The following RNF213 variants were observed in gnomAD, a reference collection of about 807,000 sequenced individuals.
The protein encoded by RNF213 is E3 ubiquitin-protein ligase RNF213.
In RNF213, 341 loss-of-function variants were observed where a neutral mutation model predicts 514.4. The ratio of observed to expected loss-of-function variants is 0.66; its 90% CI spans 0.61 to 0.73. The LOEUF (loss-of-function observed/expected upper bound fraction) is 0.73. Among genes scored for constraint, RNF213 ranks in the 30% least tolerant of loss-of-function variants. The pLI, the probability that RNF213 is intolerant of heterozygous loss-of-function variation, is 0.00. For missense variants in RNF213, 5,767 were observed against 6,615.6 expected, an observed-to-expected ratio of 0.87 and a Z score of 4.45; for synonymous variants, 2,655 against 2,658.2, an observed-to-expected ratio of 1.00 and a Z score of 0.04.
At chr17:80,276,894 T>G (rs776883617) in intron 3 of RNF213, among the ~76,000 whole-genome samples, 1 of 148,896 alleles carries the variant, frequency 6.7e-6, no homozygotes, top group Non-Finnish European at 1.5e-5. Flanking sequence ...CTACTAAAAA[T>G]ACAAAAAAAA....
At chr17:80,320,047 G>C in intron 17 of RNF213, 1 of 1,004,372 alleles carries the variant, frequency 1.0e-6, no homozygotes, top group Non-Finnish European at 1.2e-6. Flanking sequence ...TATGCCATAC[G>C]GTACATCTGT....
At chr17:80,287,686 A>C (rs2044522142) in intron 3 of RNF213, 129 bp from the exon 4 acceptor site, 1 of 879,174 alleles carries the variant, frequency 1.1e-6, no homozygotes. Context: ...TGCAGATTTA[A>C]CAGATGTTAG....
Position 80,358,404 on chromosome 17 carries a change from G to A in RNF213, c.10979G>A (p.Trp3660Ter). ...CTGACCAGGCCAGATACTCCGCCCT[G>A]GGCAAGAGATCTTTGGATGTTTATT... is the stretch of plus-strand genomic sequence containing the variant. Reference protein sequence around the residue: ...ELLTRPDTPPWARDLWMFIFS... With the variant: ...ELLTRPDTPP The change falls in exon 37 of 68, where the codon TGG becomes TAG. Residue 3660 changes from tryptophan to a stop codon, truncating the protein, a stop_gained. Transcript: ENST00000582970. LOFTEE classifies it high-confidence loss of function. 1 of 1,614,154 alleles carries A rather than the reference G, an allele frequency of 6.2e-7. No homozygotes were observed. The highest frequency in any genetic ancestry group is 1.3e-5 in the African/African-American group (1 of 75,044).
At chr17:80,351,979 C>G (rs2078538121) in intron 32 of RNF213, 176 bp downstream of exon 32, 1 of 487,094 alleles carries the variant, frequency 2.1e-6, no homozygotes. Context: ...CTCAGCCTCC[C>G]AAGTAGCTGG....
Position 80,288,165 on chromosome 17 carries a change from C to G in RNF213, c.612C>G (p.Asp204Glu). 4 of 1,611,710 alleles carry G rather than the reference C, an allele frequency of 2.5e-6. No homozygotes were observed. The highest frequency in any genetic ancestry group is 3.4e-6 in the Non-Finnish European group (4 of 1,178,726). ...TCCAGGACCACACGGAAGGGGAGGA[C>G]CAGGACGCTTCCATCCCCTCTGGGG... is the stretch of plus-strand genomic sequence containing the variant. ...PQFQDHTEGE[D>E]QDASIPSGGR... Residue 204 changes from aspartate to glutamate, a missense_variant, in exon 4 of 68, where the codon GAC becomes GAG. Coordinates refer to ENST00000582970, the MANE Select transcript of RNF213 (RefSeq NM_001256071.3). The surrounding 1 kb of genome is among the most constrained non-coding windows in gnomAD (Gnocchi z 4.9).
chr17:80,388,402 A>AT (rs2080325869), intron 63 of RNF213: 9 of 585,420 alleles, frequency 1.5e-5, no homozygotes. Context: ...TTGTCATGTA[A>AT]TTGGCTGTGA....
chr17:80,364,755 C>T, intron 42 of RNF213: 3 of 611,042 alleles, frequency 4.9e-6, no homozygotes, highest in South Asian at 3.7e-5. Context: ...CTGCTGATTG[C>T]TAAGTCAGAG....
chr17:80,323,838 G>GGT (rs2046209469), intron 17 of RNF213, among the ~76,000 whole-genome samples: 1 of 148,552 alleles, frequency 6.7e-6, no homozygotes, highest in African/African-American at 2.5e-5. Flanking sequence ...TTTTTTTGGG[G>GGT]GGGGGTGCTA....
chr17:80,387,596 G>A (rs2080289337), intron 63 of RNF213, among the ~76,000 whole-genome samples: 1 of 152,146 alleles, frequency 6.6e-6, no homozygotes, highest in Non-Finnish European at 1.5e-5. Context: ...CTCCTAACTG[G>A]TGCCCACCTC....
At chr17:80,291,371 T>C (rs930241344) in intron 7 of RNF213, among the ~76,000 whole-genome samples, 10 of 151,910 alleles carry the variant, frequency 6.6e-5, no homozygotes, top group Admixed American at 6.6e-4. Context: ...CAGCTTTGTT[T>C]ATCTGAGACA....
Position 80,263,430 on chromosome 17 carries a change from A to G in RNF213, c.-108-144A>G. 2.5e-6 allele frequency: 1 copy of G among 398,054 alleles called. No homozygotes were observed. Among genetic ancestry groups the G allele is most frequent in the East Asian group, 5.7e-5 (1 of 17,606 alleles). The allele number at this position is 398,054 out of a possible 1,614,324, so 24.7% of individuals were successfully genotyped here. On this transcript the variant is annotated intron_variant, in intron 1 of 67. Coordinates refer to ENST00000582970, the MANE Select transcript of RNF213 (RefSeq NM_001256071.3). This position sits in a 1 kb window ranked among gnomAD's most constrained non-coding sequence, Gnocchi z 4.9. ...AGCAGGGATGGTTCTAGGCTGGCTGAATGAGGGACCAGGGCAGAGACTGCA... is the reference window on the plus strand; with the variant it reads ...AGCAGGGATGGTTCTAGGCTGGCTGGATGAGGGACCAGGGCAGAGACTGCA...
chr17:80,376,424 A>T lies in RNF213; in HGVS notation c.13309A>T (p.Ser4437Cys). 6.2e-7 allele frequency: 1 copy of T among 1,614,230 alleles called. No individual in the cohort carries two copies. The highest frequency in any genetic ancestry group is 8.5e-7 in the Non-Finnish European group (1 of 1,180,050). Reference sequence around the variant, plus strand: ...ATTGTTGAGGGCGGGGCCTAGTGACAGCAACCTTGATGGAACGGTGACAGA... The same window carrying T: ...ATTGTTGAGGGCGGGGCCTAGTGACTGCAACCTTGATGGAACGGTGACAGA... Reference protein sequence around the residue: ...VPLLRAGPSDSNLDGTVTEMA... With the variant: ...VPLLRAGPSDCNLDGTVTEMA... Residue 4437 changes from serine to cysteine, a missense_variant, in exon 52 of 68, where the codon AGC becomes TGC. Physicochemically the swap from Ser to Cys is moderately radical, Grantham distance 112 (BLOSUM62 -1). This residue lies in a region of RNF213 where 1,245 missense variants were observed against 1,339.0 expected (regional missense o/e 0.93). Coordinates refer to ENST00000582970, the MANE Select transcript of RNF213 (RefSeq NM_001256071.3).
intron 63 of RNF213, among the ~76,000 whole-genome samples, chr17:80,387,949 A>G (rs991299224): frequency 6.5e-5 from 9 of 138,156 alleles, no homozygotes; most frequent in Non-Finnish European, 1.4e-4. Context: ...GTGAGAGCCC[A>G]TGGATTTTTT....
rs749226693 is a variant in RNF213 at position 80,294,846 on chromosome 17, T to C, written c.1598T>C (p.Met533Thr). Residue 533 changes from methionine (M) to threonine (T), a missense_variant, in exon 9 of 68, where the codon ATG becomes ACG. By Grantham distance (81) the Met-to-Thr change is moderately conservative. Around this residue, in one of 13 missense-constraint regions of RNF213, gnomAD observed 592 missense variants for 673.9 expected, o/e 0.88. Coordinates refer to ENST00000582970, the MANE Select transcript of RNF213 (RefSeq NM_001256071.3). ...VKGKQIAAALMLDSTFSILQT... is the reference protein window; with the variant it reads ...VKGKQIAAALTLDSTFSILQT... ...GGGAAGCAGATTGCCGCTGCGCTCA[T>C]GCTGGACAGCACCTTCAGCATCCTG... 1 of 1,614,218 alleles carries C rather than the reference T, an allele frequency of 6.2e-7. No homozygotes were observed. Among genetic ancestry groups the C allele is most frequent in the Admixed American group, 1.7e-5 (1 of 60,022 alleles).
chr17:80,297,417 T>C (rs1297405761), intron 10 of RNF213, among the ~76,000 whole-genome samples: 3 of 142,984 alleles, frequency 2.1e-5, no homozygotes, highest in Non-Finnish European at 4.5e-5. Flanking sequence ...GCCACTGCAC[T>C]CCAGCCTGGG....
chr17:80,294,058 G>A (rs538334903), intron 8 of RNF213, among the ~76,000 whole-genome samples: 1 of 152,324 alleles, frequency 6.6e-6, no homozygotes, highest in African/African-American at 2.4e-5. Context: ...ACTTCTGTTT[G>A]TAGGTCTTCA....
chr17:80,315,743 TGG>T (rs2045901677), intron 15 of RNF213: 12 of 61,118 alleles, frequency 2.0e-4, no homozygotes, highest in East Asian at 1.0e-3. Context: ...GTGATGGTGG[TGG>T]TGGTGGAGGT....
chr17:80,281,412 A>T, intron 3 of RNF213, among the ~76,000 whole-genome samples: 1 of 110,474 alleles, frequency 9.1e-6, no homozygotes, highest in Non-Finnish European at 1.9e-5. Flanking sequence ...CACCCCCAAG[A>T]CAAACACCCC....
chr17:80,307,648 C>G (rs1294179481), intron 13 of RNF213, among the ~76,000 whole-genome samples: 2 of 152,116 alleles, frequency 1.3e-5, no homozygotes, highest in Non-Finnish European at 2.9e-5. Flanking sequence ...TTCCCAGGTT[C>G]AAGTGATTCT....
Sources: allele counts gnomAD v4.1 joint callset (sites outside exome capture counted in the v4.1 genomes callset), GRCh38; gene constraint gnomAD v4.1.1; regional missense constraint gnomAD v4.1.1; non-coding constraint Gnocchi (gnomAD v3.1); transcripts MANE v1.5; gene names NCBI Gene and HGNC (gene_info 2026-07-23, HGNC 2026-07-21).